TRAF4: variants seen among roughly 807,000 people sequenced by gnomAD.
TRAF4 encodes the protein TNF receptor-associated factor 4.
Under a neutral mutation model 47.3 loss-of-function variants are expected in TRAF4, and 9 were observed. That is an observed-to-expected ratio of 0.19 (90% confidence interval 0.11 to 0.33). The LOEUF is 0.33. Ranked by LOEUF, TRAF4 falls within the 10% of genes least tolerant of loss-of-function variation. The pLI is 1.00. For synonymous variants in TRAF4, 236 were observed against 236.9 expected (o/e 1.00, Z 0.04); for missense variants, 448 against 620.3 (o/e 0.72, Z 2.95).
chr17:28,748,975 G>A lies in TRAF4; in HGVS notation c.811G>A (p.Glu271Lys), dbSNP rs2034559495. 3 of 1,612,986 alleles carry A rather than the reference G, an allele frequency of 1.9e-6. No homozygotes were observed. ...TAAGCTGGCAATGGCACGGCATGTG[G>A]AGGAGAGTGTGAAGCCACATCTGGC... ...CPKLAMARHVEESVKPHLAMM... is the reference protein window; with the variant it reads ...CPKLAMARHVKESVKPHLAMM... The change falls in exon 7 of 7, where the codon GAG becomes AAG. Residue 271 changes from glutamate (E) to lysine (K), a missense_variant. Transcript: ENST00000262395.
At position 28,750,118 on chromosome 17, in the gene TRAF4, C is replaced by T; in HGVS notation, c.*541C>T. On this transcript the variant is annotated 3_prime_UTR_variant, in exon 7 of 7. Coordinates refer to ENST00000262395, the MANE Select transcript of TRAF4 (RefSeq NM_004295.4). ...CTGACTTACCTGGGTTGGTTAGGTCCCTGGGAGGCTCAACCAAACTGAAGG... is the reference window on the plus strand; with the variant it reads ...CTGACTTACCTGGGTTGGTTAGGTCTCTGGGAGGCTCAACCAAACTGAAGG... 1 of 527,142 alleles carries T rather than the reference C, an allele frequency of 1.9e-6. No individual in the cohort carries two copies. The highest frequency in any genetic ancestry group is 3.4e-6 in the Non-Finnish European group (1 of 297,042). The allele number at this position is 527,142 out of a possible 1,614,324, so 32.7% of individuals were successfully genotyped here.
Position 28,747,930 on chromosome 17 carries a change from C to G in TRAF4, c.283C>G (p.Pro95Ala). The change falls in exon 3 of 7, where the codon CCA (proline) becomes GCA (alanine). Residue 95 changes from proline to alanine, a missense_variant. By Grantham distance (27) the Pro-to-Ala change is conservative. Transcript: ENST00000262395. ...TGAGGAGGGCTGCCGCTGGAGTGGG[C>G]CACTACGTCATCTACAGGTGAGGCT... is the stretch of plus-strand genomic sequence containing the variant. ...HSEEGCRWSG[P>A]LRHLQGHLNT... 1 of 1,614,162 alleles carries G rather than the reference C, an allele frequency of 6.2e-7. No individual in the cohort carries two copies. Among genetic ancestry groups the G allele is most frequent in the Non-Finnish European group, 8.5e-7 (1 of 1,180,030 alleles).
In TRAF4 at chr17:28,748,605, A is replaced by G; in HGVS notation, c.719A>G (p.Lys240Arg). 6.2e-7 allele frequency: 1 copy of G among 1,613,298 alleles called. No homozygotes were observed. The highest frequency in any genetic ancestry group is 1.3e-5 in the African/African-American group (1 of 75,048). ...VAREDLPGHL[K>R]DSCNTALVLC... is the part of the protein sequence containing the mutation. Reference sequence around the variant, plus strand: ...CGGGAGGACCTGCCAGGCCATCTGAAGGACAGCTGTAACACCGCCCTGGTG... The same window carrying G: ...CGGGAGGACCTGCCAGGCCATCTGAGGGACAGCTGTAACACCGCCCTGGTG... Residue 240 changes from lysine (K) to arginine (R), a missense_variant, in exon 6 of 7, where the codon AAG becomes AGG. Lys to Arg is a conservative substitution (Grantham distance 26). Coordinates refer to ENST00000262395, the MANE Select transcript of TRAF4 (RefSeq NM_004295.4).
chr17:28,747,175 T>G (rs1331091259), intron 1 of TRAF4, 38 bp from the exon 2 acceptor site: 1 of 1,606,764 alleles, frequency 6.2e-7, no homozygotes, highest in Non-Finnish European at 8.5e-7. Context: ...CCCTTTCCCC[T>G]AATGAGAAAC....
chr17:28,746,528 A>C (rs1057449577), intron 1 of TRAF4, among the ~76,000 whole-genome samples: 3 of 152,218 alleles, frequency 2.0e-5, no homozygotes, highest in Admixed American at 2.0e-4. Context: ...TGTGTGGTGT[A>C]GTAGAGCCTG....
rs1316218517 is a variant in TRAF4 at position 28,750,301 on chromosome 17, A to C, written c.*724A>C. The stretch of plus-strand genomic sequence containing the variant: ...TGCCCTCTGCCGATGAAATGCGGGA[A>C]GTGTATGGCCTAGATGTTTCATAAG... On this transcript the variant is annotated 3_prime_UTR_variant, in exon 7 of 7. Coordinates refer to ENST00000262395, the MANE Select transcript of TRAF4 (RefSeq NM_004295.4). 4.5e-5 allele frequency: 10 copies of C among 221,914 alleles called. No individual in the cohort carries two copies. The highest frequency in any genetic ancestry group is 8.1e-5 in the Non-Finnish European group (9 of 110,630). 13.7% of individuals were successfully genotyped at this position (221,914 alleles called of 1,614,324 possible).
In TRAF4 at chr17:28,749,343, G is replaced by C. The variant is rs767917830; in HGVS notation, c.1179G>C (p.Gln393His). 2 of 1,613,920 alleles carry C rather than the reference G, an allele frequency of 1.2e-6. No individual in the cohort carries two copies. The highest frequency in any genetic ancestry group is 2.7e-5 in the African/African-American group (2 of 74,922). ...ARRVTFSLLD[Q>H]SDPGLAKPQH... ...GTGTCACCTTCTCCCTGCTGGATCA[G>C]AGCGACCCTGGGCTGGCTAAACCAC... Residue 393 changes from glutamine (Q) to histidine (H), a missense_variant, in exon 7 of 7, where the codon CAG becomes CAC. Transcript: ENST00000262395.
rs2034551932 is a variant in TRAF4 at position 28,748,555 on chromosome 17, C to T, written c.669C>T (p.Asn223=). 1 of 1,613,592 alleles carries T rather than the reference C, an allele frequency of 6.2e-7. No homozygotes were observed. The highest frequency in any genetic ancestry group is 2.2e-5 in the East Asian group (1 of 44,890). ...CAAGGCTGCCTGTTGCCTGCCCCAA[C>T]CAATGTGGTGTGGGCACTGTGGCTC... The part of the protein sequence containing the change: ...QCPRLPVACP[N]QCGVGTVARE... Residue 223 remains asparagine (N), a synonymous_variant, in exon 6 of 7, where the codon AAC becomes AAT. Transcript: ENST00000262395.
intron 6 of TRAF4, 60 bp from the exon 7 acceptor site, chr17:28,748,885 G>C: frequency 6.5e-7 from 1 of 1,547,622 alleles, no homozygotes; most frequent in South Asian, 1.3e-5. Context: ...TCCTCTCCCT[G>C]GACCTCCCCC....
At chr17:28,746,938 A>G in intron 1 of TRAF4, 1 of 367,188 alleles carries the variant, frequency 2.7e-6, no homozygotes, top group South Asian at 7.8e-5. Flanking sequence ...ATCCTGGGGG[A>G]GGGGGTGCCA....
chr17:28,745,783 C>T (rs1485035057), intron 1 of TRAF4, among the ~76,000 whole-genome samples: 1 of 152,210 alleles, frequency 6.6e-6, no homozygotes, highest in African/African-American at 2.4e-5. Flanking sequence ...GGTACAAGCA[C>T]AAGTGAGGGT....
Position 28,748,184 on chromosome 17 carries a change from T to A in TRAF4, c.462+6T>A, listed in dbSNP as rs1352295215. 6.2e-7 allele frequency: 1 copy of A among 1,613,672 alleles called. No homozygotes were observed. Among genetic ancestry groups the A allele is most frequent in the Non-Finnish European group, 8.5e-7 (1 of 1,179,934 alleles). On this transcript the variant is annotated splice_donor_region_variant and intron_variant, in intron 4 of 6. Coordinates refer to ENST00000262395, the MANE Select transcript of TRAF4 (RefSeq NM_004295.4). ...TCAGTGGGGAGGCCTATGAGGTGGG[T>A]GGGGTCTGGCTGAATGTGGAGGAGG...
rs1291047447 is a variant in TRAF4, at chr17:28,748,633, C to T, written c.747C>T (p.Leu249=). The change falls in exon 6 of 7, where the codon CTC becomes CTT. Residue 249 remains leucine, a synonymous_variant. Transcript: ENST00000262395. ...ACAGCTGTAACACCGCCCTGGTGCT[C>T]TGCCCATTCAAAGACTCCGGCTGCA... is the stretch of plus-strand genomic sequence containing the variant. The part of the protein sequence containing the change: ...LKDSCNTALV[L]CPFKDSGCKH... The T allele has an allele frequency of 1.2e-6, 2 of 1,612,676 alleles. No homozygotes were observed. Among genetic ancestry groups the T allele is most frequent in the East Asian group, 4.5e-5 (2 of 44,888 alleles).
intron 5 of TRAF4, 37 bp from the exon 6 acceptor site, chr17:28,748,474 G>A: frequency 6.2e-7 from 1 of 1,609,638 alleles, no homozygotes; most frequent in Non-Finnish European, 8.5e-7. Context: ...AGGTAGTCAG[G>A]ATATTGACTC....
Position 28,747,891 on chromosome 17 carries a change from C to T in TRAF4, c.244C>T (p.Arg82Cys), listed in dbSNP as rs763086447. The T allele has an allele frequency of 9.3e-6, 15 of 1,613,906 alleles. No individual in the cohort carries two copies. Among genetic ancestry groups the T allele is most frequent in the African/African-American group, 4.0e-5 (3 of 74,900 alleles). Reference sequence around the variant, plus strand: ...AGTACAAGTATTGGGCCTGCCTATCCGCTGCATCCACAGTGAGGAGGGCTG... The same window carrying T: ...AGTACAAGTATTGGGCCTGCCTATCTGCTGCATCCACAGTGAGGAGGGCTG... Reference protein sequence around the residue: ...LEVQVLGLPIRCIHSEEGCRW... With the variant: ...LEVQVLGLPICCIHSEEGCRW... Residue 82 changes from arginine (R) to cysteine (C), a missense_variant, in exon 3 of 7, where the codon CGC becomes TGC. By Grantham distance (180) the Arg-to-Cys change is radical (BLOSUM62 -3). Coordinates refer to ENST00000262395, the MANE Select transcript of TRAF4 (RefSeq NM_004295.4).
rs752086814 is a variant in TRAF4, at chr17:28,749,356, C to G, written c.1192C>G (p.Leu398Val). The change falls in exon 7 of 7, where the codon CTG (leucine) becomes GTG (valine). Residue 398 changes from leucine (L) to valine (V), a missense_variant. By Grantham distance (32) the Leu-to-Val change is conservative (BLOSUM62 1). Transcript: ENST00000262395. ...CCTGCTGGATCAGAGCGACCCTGGG[C>G]TGGCTAAACCACAGCACGTCACTGA... Reference protein sequence around the residue: ...FSLLDQSDPGLAKPQHVTETF... With the variant: ...FSLLDQSDPGVAKPQHVTETF... 2.5e-6 allele frequency: 4 copies of G among 1,613,956 alleles called. No individual in the cohort carries two copies. Among genetic ancestry groups the G allele is most frequent in the Admixed American group, 3.3e-5 (2 of 60,012 alleles).
In TRAF4 at chr17:28,750,719, T is replaced by G. The variant is rs577769948; in HGVS notation, c.*1142T>G. ...TTATCCACGTTTCACCTATGAAACA[T>G]GAACAGAGGAGACTGACTTATCAGT... is the stretch of plus-strand genomic sequence containing the variant. On this transcript the variant is annotated 3_prime_UTR_variant, in exon 7 of 7. Transcript: ENST00000262395. 1.7e-4 allele frequency: 26 copies of G among 152,342 alleles called. No individual in the cohort carries two copies. Among genetic ancestry groups the G allele is most frequent in the African/African-American group, 5.8e-4 (24 of 41,590 alleles). The allele number at this position is 152,342 out of a possible 1,614,324, so 9.4% of individuals were successfully genotyped here. A position where few individuals can be genotyped will look rare whatever the true frequency, so the allele number is the denominator to read the frequency against.
In TRAF4 at chr17:28,749,608, T is replaced by C; in HGVS notation, c.*31T>C. ...GGTGGGGTTCGAGGGGAAAGGACGA[T>C]GGGGCATGACCTCAGTCAGGCACTG... On this transcript the variant is annotated 3_prime_UTR_variant, in exon 7 of 7. Transcript: ENST00000262395. 2 of 1,595,854 alleles carry C rather than the reference T, an allele frequency of 1.3e-6. No individual in the cohort carries two copies. The highest frequency in any genetic ancestry group is 2.3e-5 in the South Asian group (2 of 87,798).
chr17:28,744,073 G>T lies in TRAF4; in HGVS notation c.-40G>T. On this transcript the variant is annotated 5_prime_UTR_variant, in exon 1 of 7. Coordinates refer to ENST00000262395, the MANE Select transcript of TRAF4 (RefSeq NM_004295.4). ...GAGGCGCGGGCTGTGGGGCCGCCGC[G>T]TGCCTGGCCCCGCTCGCCCGTGCCG... 1 of 1,380,236 alleles carries T rather than the reference G, an allele frequency of 7.2e-7. No homozygotes were observed. The highest frequency in any genetic ancestry group is 9.4e-7 in the Non-Finnish European group (1 of 1,058,772). 85.5% of individuals were successfully genotyped at this position (1,380,236 alleles called of 1,614,324 possible).
Sources: allele counts gnomAD v4.1 joint callset (sites outside exome capture counted in the v4.1 genomes callset), GRCh38; gene constraint gnomAD v4.1.1; transcripts MANE v1.5; gene names NCBI Gene and HGNC (gene_info 2026-07-23, HGNC 2026-07-21).